Variants in ERBB4 observed in about 807,000 individuals in gnomAD.
ERBB4 encodes the protein erb-b2 receptor tyrosine kinase 4, also known as receptor tyrosine-protein kinase erbB-4.
A neutral mutation model predicts 158.0 loss-of-function variants in ERBB4; 42 were observed. The observed-to-expected ratio is 0.27, with a 90% CI of 0.21 to 0.34. ERBB4 has a LOEUF of 0.34. Ranked by LOEUF, ERBB4 falls within the 10% of genes least tolerant of loss-of-function variation. ERBB4 has a pLI of 1.00. For missense variants in ERBB4, 1,333 were observed against 1,624.1 expected (o/e 0.82, Z 3.08); for synonymous variants, 583 against 558.7 (o/e 1.04, Z -0.61).
At chr2:211,493,501 C>A (rs1253924735) in intron 20 of ERBB4, among the ~76,000 whole-genome samples, 2 of 151,312 alleles carry the variant, frequency 1.3e-5, no homozygotes, top group African/African-American at 4.9e-5. Flanking sequence ...GCATACAAAG[C>A]AAAAGTTATT....
intron 1 of ERBB4, among the ~76,000 whole-genome samples, chr2:212,286,609 T>TTTGTTTTTTTTTTC (rs2085982870): frequency 1.6e-5 from 1 of 60,800 alleles, no homozygotes; most frequent in Admixed American, 2.6e-4. Context: ...TTTTTTTTTT[T>TTTGTTTTTTTTTTC]TTTTTTTTTT....
chr2:212,444,595 G>T (rs2092314553), intron 1 of ERBB4, among the ~76,000 whole-genome samples: 2 of 152,120 alleles, frequency 1.3e-5, no homozygotes, highest in South Asian at 4.1e-4. Context: ...TGGATATGAT[G>T]ATCCATTCTA....
intron 1 of ERBB4, among the ~76,000 whole-genome samples, chr2:212,217,371 G>A (rs1261973833): frequency 1.3e-5 from 2 of 151,108 alleles, no homozygotes; most frequent in African/African-American, 2.4e-5. Context: ...TAAAACTGAG[G>A]TTAAATGTGT....
At chr2:212,354,856 C>T (rs1948876) in intron 1 of ERBB4, among the ~76,000 whole-genome samples, 102,036 of 151,428 alleles carry the variant, frequency 0.67, 34,684 homozygotes, top group East Asian at 0.79. Context: ...TCTGCTGGTT[C>T]TTTTTTTCTT....
intron 19 of ERBB4, among the ~76,000 whole-genome samples, chr2:211,562,587 G>A (rs1274132197): frequency 6.6e-6 from 1 of 151,974 alleles, no homozygotes; most frequent in Non-Finnish European, 1.5e-5. Context: ...TGGAAATGTA[G>A]ATAATTACAA....
chr2:212,086,154 T>C (rs2078601732), intron 2 of ERBB4, among the ~76,000 whole-genome samples: 1 of 151,950 alleles, frequency 6.6e-6, no homozygotes, highest in Admixed American at 6.6e-5. Context: ...AGTTTTACTT[T>C]GGGTATCTTA....
rs140738689 is a variant in ERBB4, at chr2:211,418,909, A to C, written c.3135+1532T>G. ...TTATCTATTCCCCATTGGGCATGTG[A>C]TAAAGTTTTCAGTTTGTACTATAAT... is the stretch of plus-strand genomic sequence containing the variant. On this transcript the variant is annotated intron_variant, in intron 25 of 27. Coordinates refer to ENST00000342788, the MANE Select transcript of ERBB4 (RefSeq NM_005235.3). Among the ~76,000 whole-genome samples, 485 of 152,246 alleles carry C rather than the reference A, an allele frequency of 3.2e-3. 2 individuals are homozygous for C. The highest frequency in any genetic ancestry group is 0.011 in the African/African-American group (455 of 41,556).
chr2:211,909,207 C>T (rs1287688831), intron 3 of ERBB4, among the ~76,000 whole-genome samples: 1 of 151,694 alleles, frequency 6.6e-6, no homozygotes, highest in South Asian at 2.1e-4. Context: ...TTTCCAGCAC[C>T]CTTTTTGACA....
chr2:211,866,698 C>T (rs1472599263), intron 3 of ERBB4, among the ~76,000 whole-genome samples: 1 of 151,920 alleles, frequency 6.6e-6, no homozygotes, highest in African/African-American at 2.4e-5. Flanking sequence ...TAACATTAAT[C>T]CCACTGTTTA....
intron 1 of ERBB4, among the ~76,000 whole-genome samples, chr2:212,414,353 A>T (rs2091590241): frequency 6.6e-6 from 1 of 152,246 alleles, no homozygotes; most frequent in Non-Finnish European, 1.5e-5. Context: ...GACTTTTAAA[A>T]ATCAAAATGA....
At chr2:211,576,690 C>A (rs967031426) in intron 19 of ERBB4, among the ~76,000 whole-genome samples, 1 of 151,736 alleles carries the variant, frequency 6.6e-6, no homozygotes, top group Admixed American at 6.6e-5. Context: ...AGCCAATATC[C>A]TAGGATAAGT....
intron 20 of ERBB4, among the ~76,000 whole-genome samples, chr2:211,451,188 C>T (rs542689597): frequency 6.6e-6 from 1 of 152,192 alleles, no homozygotes; most frequent in South Asian, 2.1e-4. Context: ...TCCAGAGTTT[C>T]AAATATGGAA....
chr2:212,015,049 T>A (rs367613949), intron 2 of ERBB4, among the ~76,000 whole-genome samples: 6,582 of 7,938 alleles, frequency 0.83, 2,807 homozygotes, highest in Middle Eastern at 1. Context: ...AAAATATATA[T>A]ATATATATAT....
chr2:211,655,090 GATCT>G (rs2071160774), intron 16 of ERBB4, among the ~76,000 whole-genome samples: 2 of 152,248 alleles, frequency 1.3e-5, no homozygotes, highest in African/African-American at 4.8e-5. Context: ...GACTATAAGT[GATCT>G]ATCAGTGTGG....
At chr2:211,992,283 A>C (rs1300197819) in intron 2 of ERBB4, among the ~76,000 whole-genome samples, 1 of 152,134 alleles carries the variant, frequency 6.6e-6, no homozygotes, top group Admixed American at 6.6e-5. Flanking sequence ...GGTGAAAGGC[A>C]CTTCTTACAT....
chr2:211,837,420 G>A (rs1214869051), intron 3 of ERBB4, among the ~76,000 whole-genome samples: 1 of 152,094 alleles, frequency 6.6e-6, no homozygotes, highest in South Asian at 2.1e-4. Context: ...AAGAAAGCAT[G>A]AGAGGCTTAA....
At chr2:211,413,317 C>A (rs2371269) in intron 25 of ERBB4, among the ~76,000 whole-genome samples, 19,085 of 81,014 alleles carry the variant, frequency 0.24, 3,731 homozygotes, top group Non-Finnish European at 0.29. Flanking sequence ...AAAACACACA[C>A]ACACACACAC....
At chr2:211,723,814 C>T (rs761366117) in intron 6 of ERBB4, among the ~76,000 whole-genome samples, 4 of 152,134 alleles carry the variant, frequency 2.6e-5, no homozygotes, top group Non-Finnish European at 4.4e-5. Flanking sequence ...TTTAGCTTTG[C>T]GACAGCATAC....
intron 2 of ERBB4, among the ~76,000 whole-genome samples, chr2:212,043,609 G>T (rs2077190638): frequency 6.6e-6 from 1 of 152,002 alleles, no homozygotes; most frequent in South Asian, 2.1e-4. Flanking sequence ...ATCTTATATT[G>T]ATTTTCATTA....
Sources: gnomAD v4.1 joint callset for allele counts (sites outside exome capture counted in the v4.1 genomes callset) on GRCh38, gnomAD v4.1.1 for gene constraint, MANE v1.5 for transcripts, NCBI Gene and HGNC (gene_info 2026-07-23, HGNC 2026-07-21) for gene names.